TEX14: variants seen among roughly 807,000 people sequenced by gnomAD.
The protein encoded by TEX14 is inactive serine/threonine-protein kinase TEX14.
TEX14 carries 168 observed loss-of-function variants against 178.6 expected under a neutral mutation model. The observed-to-expected ratio is 0.94, with a 90% CI of 0.83 to 1.07. The LOEUF (loss-of-function observed/expected upper bound fraction) is 1.07. Ranked by LOEUF, TEX14 falls within the 50% of genes least tolerant of loss-of-function variation. TEX14 has a pLI of 0.00. For synonymous variants in TEX14, 626 were observed against 634.1 expected (o/e 0.99, Z 0.19); for missense variants, 1,730 against 1,753.6 (o/e 0.99, Z 0.24).
intron 26 of TEX14, among the ~76,000 whole-genome samples, chr17:58,568,703 G>C (rs1460617540): frequency 6.6e-6 from 1 of 152,132 alleles, no homozygotes; most frequent in East Asian, 1.9e-4. Context: ...TGAAAATTCT[G>C]GTCTCTGTAG....
intron 3 of TEX14, among the ~76,000 whole-genome samples, chr17:58,627,431 A>G (rs1346616559): frequency 6.6e-6 from 1 of 152,198 alleles, no homozygotes; most frequent in East Asian, 1.9e-4. Flanking sequence ...GGTCATGACT[A>G]TATCACTCAA....
At chr17:58,574,119 A>C in intron 22 of TEX14, 68 bp downstream of exon 22, 1 of 1,245,024 alleles carries the variant, frequency 8.0e-7, no homozygotes, top group Non-Finnish European at 1.2e-6. Context: ...TACAAACAAG[A>C]ATATACTATT....
chr17:58,689,431 G>T (rs2047654734), intron 1 of TEX14, among the ~76,000 whole-genome samples: 1 of 151,834 alleles, frequency 6.6e-6, no homozygotes, highest in Non-Finnish European at 1.5e-5. Flanking sequence ...ATGTTGGCCA[G>T]GATGGTCTTG....
intron 5 of TEX14, among the ~76,000 whole-genome samples, chr17:58,617,998 G>C (rs1056139910): frequency 1.3e-5 from 2 of 152,204 alleles, no homozygotes; most frequent in Non-Finnish European, 2.9e-5. Context: ...AGCCCTGGGG[G>C]AGGCTCAATG....
chr17:58,657,146 A>T (rs996378027), intron 1 of TEX14, among the ~76,000 whole-genome samples: 1 of 151,340 alleles, frequency 6.6e-6, no homozygotes, highest in Admixed American at 6.6e-5. Flanking sequence ...TATTATTTTT[A>T]AAAAATAGAG....
Position 58,621,858 on chromosome 17 carries a change from A to G in TEX14, c.418-72T>C, listed in dbSNP as rs145984294. 1,200 of 1,512,696 alleles carry G rather than the reference A, an allele frequency of 7.9e-4. 15 individuals are homozygous for G. In the East Asian group the frequency reaches 0.022, roughly 28 times the overall value. The allele number at this position is 1,512,696 out of a possible 1,614,324, so 93.7% of individuals were successfully genotyped here. A position where few individuals can be genotyped will look rare whatever the true frequency, so the allele number is the denominator to read the frequency against. ...ATGGAATGGAAGCTTGGGTATGAAGATAAGTGGTCCGAGGAGCTGAGAGCC... is the reference window on the plus strand; with the variant it reads ...ATGGAATGGAAGCTTGGGTATGAAGGTAAGTGGTCCGAGGAGCTGAGAGCC... On this transcript the variant is annotated intron_variant, in intron 4 of 31. Coordinates refer to ENST00000349033, the MANE Select transcript of TEX14 (RefSeq NM_031272.5).
chr17:58,646,915 T>C (rs1337511469), intron 2 of TEX14, among the ~76,000 whole-genome samples: 2 of 151,984 alleles, frequency 1.3e-5, no homozygotes. Flanking sequence ...ACTCTTTTTT[T>C]TTTTTTTTAG....
chr17:58,602,743 T>C (rs1214597222), intron 11 of TEX14, among the ~76,000 whole-genome samples, 153 bp from the exon 12 acceptor site: 1 of 152,066 alleles, frequency 6.6e-6, no homozygotes, highest in Non-Finnish European at 1.5e-5. Context: ...ACAATTCATT[T>C]CCTTATATAT....
At position 58,615,340 on chromosome 17, in the gene TEX14, A is replaced by G. The variant is rs200105928; in HGVS notation, c.773T>C (p.Val258Ala). 3 of 1,595,038 alleles carry G rather than the reference A, an allele frequency of 1.9e-6. No homozygotes were observed. The highest frequency in any genetic ancestry group is 2.6e-6 in the Non-Finnish European group (3 of 1,162,898). Residue 258 changes from valine (V) to alanine (A), a missense_variant, in exon 8 of 32, where the codon GTG becomes GCG. Transcript: ENST00000349033. ...CACTGTGACCCTGCTCCCATTCCACACTAGGCTACAAGGACAGGAAAGAGT... is the reference window on the plus strand; with the variant it reads ...CACTGTGACCCTGCTCCCATTCCACGCTAGGCTACAAGGACAGGAAAGAGT... ...SGPYMVMTNL[V>A]WNGSRVTVKE...
Position 58,613,531 on chromosome 17 carries a change from G to A in TEX14, c.895C>T (p.Pro299Ser), listed in dbSNP as rs777030049. Residue 299 changes from proline to serine, a missense_variant, in exon 9 of 32, where the codon CCC becomes TCC. Physicochemically the swap from Pro to Ser is moderately conservative, Grantham distance 74. Coordinates refer to ENST00000349033, the MANE Select transcript of TEX14 (RefSeq NM_031272.5). ...ACAGCCATCAACTGTAGCAAGTAGG[G>A]GTGCCGCAGCTTGCTGCAAAAGAAA... The part of the protein sequence containing the change: ...EQEHSSKLRH[P>S]YLLQLMAVCL... 6.2e-7 allele frequency: 1 copy of A among 1,613,908 alleles called. No homozygotes were observed.
chr17:58,595,371 C>T (rs1022011775), intron 14 of TEX14, among the ~76,000 whole-genome samples: 1 of 152,054 alleles, frequency 6.6e-6, no homozygotes, highest in East Asian at 1.9e-4. Flanking sequence ...CAGCAGTGGC[C>T]GCCATCAATT....
chr17:58,666,406 G>C (rs912689069), intron 1 of TEX14: 4 of 136,122 alleles, frequency 2.9e-5, no homozygotes, highest in Non-Finnish European at 6.1e-5. Context: ...CATGAATTCG[G>C]ATGCCACTGC....
intron 1 of TEX14, among the ~76,000 whole-genome samples, chr17:58,674,148 C>T (rs1435488583): frequency 6.6e-6 from 1 of 151,868 alleles, no homozygotes; most frequent in African/African-American, 2.4e-5. Context: ...TGGTGGCATG[C>T]GCCTATAATC....
intron 2 of TEX14, among the ~76,000 whole-genome samples, chr17:58,640,758 G>A (rs1218211602): frequency 6.6e-6 from 1 of 152,008 alleles, no homozygotes; most frequent in African/African-American, 2.4e-5. Flanking sequence ...GTCTTGCTCT[G>A]ACACCCAGGC....
intron 29 of TEX14, among the ~76,000 whole-genome samples, chr17:58,561,216 T>C (rs185633189): frequency 6.6e-6 from 1 of 152,344 alleles, no homozygotes; most frequent in East Asian, 1.9e-4. Flanking sequence ...TATCTAAAAA[T>C]TTGATAAGCA....
chr17:58,648,786 C>CTTTTTTTTT (rs34918333), intron 2 of TEX14, among the ~76,000 whole-genome samples: 413 of 89,212 alleles, frequency 4.6e-3, no homozygotes, highest in Non-Finnish European at 6.0e-3. Flanking sequence ...CTTTTTTTTT[C>CTTTTTTTTT]TTTTTTTTTT....
intron 1 of TEX14, among the ~76,000 whole-genome samples, chr17:58,671,834 C>G (rs916055795): frequency 6.6e-6 from 1 of 152,142 alleles, no homozygotes; most frequent in Admixed American, 6.6e-5. Flanking sequence ...CAGAGAAGCT[C>G]ATCCCTCAAT....
chr17:58,579,498 T>C (rs2044759504), intron 20 of TEX14, among the ~76,000 whole-genome samples, 167 bp downstream of exon 20: 1 of 152,190 alleles, frequency 6.6e-6, no homozygotes, highest in South Asian at 2.1e-4. Flanking sequence ...GAGGAAGGGA[T>C]TTGTTCTATT....
intron 1 of TEX14, among the ~76,000 whole-genome samples, chr17:58,662,745 TGA>T (rs1201690250): frequency 6.6e-6 from 1 of 152,170 alleles, no homozygotes; most frequent in African/African-American, 2.4e-5. Flanking sequence ...CTCAGAAATA[TGA>T]GAGTGACATA....
Sources: gnomAD v4.1 joint callset for allele counts (sites outside exome capture counted in the v4.1 genomes callset) on GRCh38, gnomAD v4.1.1 for gene constraint, MANE v1.5 for transcripts, NCBI Gene and HGNC (gene_info 2026-07-23, HGNC 2026-07-21) for gene names.